Variants in THSD7A observed in about 807,000 individuals in gnomAD.
The protein encoded by THSD7A is thrombospondin type 1 domain containing 7A.
A neutral mutation model predicts 231.3 loss-of-function variants in THSD7A; 96 were observed. That is an observed-to-expected ratio of 0.41 (90% CI 0.35 to 0.49). The LOEUF is 0.49. Ranked by LOEUF, THSD7A falls within the 20% of genes least tolerant of loss-of-function variation. The pLI, the probability that THSD7A is intolerant of heterozygous loss-of-function variation, is 0.05. For synonymous variants in THSD7A, 940 were observed against 743.3 expected (o/e 1.26, Z -4.30); for missense variants, 2,290 against 2,070.2 (o/e 1.11, Z -2.06).
chr7:11,577,760 C>T (rs559850651), intron 4 of THSD7A, among the ~76,000 whole-genome samples: 50 of 151,906 alleles, frequency 3.3e-4, no homozygotes, highest in African/African-American at 1.2e-3. Context: ...GATGGAACAG[C>T]GTGGCATTCC....
intron 1 of THSD7A, among the ~76,000 whole-genome samples, chr7:11,781,206 T>G (rs920047049): frequency 1.3e-5 from 2 of 151,320 alleles, no homozygotes; most frequent in African/African-American, 2.4e-5. Context: ...TTTGGAAGGC[T>G]GGGTGGGATT....
chr7:11,490,035 T>C (rs2128307262), intron 6 of THSD7A, among the ~76,000 whole-genome samples: 1 of 152,182 alleles, frequency 6.6e-6, no homozygotes, highest in Non-Finnish European at 1.5e-5. Flanking sequence ...TCCACTATGC[T>C]CTCTTCCCTG....
chr7:11,651,254 T>C (rs1251480990), intron 1 of THSD7A, among the ~76,000 whole-genome samples: 1 of 151,926 alleles, frequency 6.6e-6, no homozygotes, highest in African/African-American at 2.4e-5. Context: ...AGACAGAAGA[T>C]AGAGTGGTGG....
intron 6 of THSD7A, among the ~76,000 whole-genome samples, chr7:11,513,000 C>T (rs1787883304): frequency 7.3e-6 from 1 of 137,404 alleles, no homozygotes; most frequent in Non-Finnish European, 1.6e-5. Context: ...GAATTAACAG[C>T]ATTTGCCATG....
At chr7:11,770,780 A>T (rs1473601626) in intron 1 of THSD7A, among the ~76,000 whole-genome samples, 1 of 152,078 alleles carries the variant, frequency 6.6e-6, no homozygotes, top group East Asian at 1.9e-4. Flanking sequence ...ACATTCTTTA[A>T]CTCCAAATCT....
At chr7:11,389,112 A>G (rs778943137) in intron 23 of THSD7A, among the ~76,000 whole-genome samples, 3 of 152,188 alleles carry the variant, frequency 2.0e-5, no homozygotes, top group Non-Finnish European at 4.4e-5. Flanking sequence ...GTAGAAGTCT[A>G]TTAGGTCTGC....
Position 11,598,987 on chromosome 7 carries a change from T to C in THSD7A, c.1023-5485A>G, listed in dbSNP as rs72506082. On this transcript the variant is annotated intron_variant, in intron 2 of 27. Coordinates refer to ENST00000423059, the MANE Select transcript of THSD7A (RefSeq NM_015204.3). ...GGAGTTACAGTGTTGGCTGGGGTGA[T>C]TGACCCAGACTAACAAGATGAAATC... Among the ~76,000 whole-genome samples, 3,420 of 152,160 alleles carry C rather than the reference T, an allele frequency of 0.022. 182 individuals carry two copies. In the East Asian group the frequency reaches 0.23, roughly 10 times the overall value.
intron 1 of THSD7A, among the ~76,000 whole-genome samples, chr7:11,669,163 A>G (rs1783273391): frequency 6.6e-6 from 1 of 152,198 alleles, no homozygotes; most frequent in South Asian, 2.1e-4. Flanking sequence ...ATATGAATTC[A>G]TTCATTTATA....
chr7:11,518,525 A>C (rs1188155148), intron 6 of THSD7A, among the ~76,000 whole-genome samples: 1 of 152,118 alleles, frequency 6.6e-6, no homozygotes, highest in East Asian at 1.9e-4. Context: ...TACATGTAGT[A>C]AACGAGGTAA....
intron 1 of THSD7A, among the ~76,000 whole-genome samples, chr7:11,716,807 T>A (rs1441349883): frequency 6.6e-6 from 1 of 151,562 alleles, no homozygotes; most frequent in Non-Finnish European, 1.5e-5. Flanking sequence ...GAAAAAATCT[T>A]ATTACATTGC....
rs373455481 is a variant in THSD7A, at chr7:11,481,547, T to TG, written c.2017+240dup. Among the ~76,000 whole-genome samples, 498 of 152,194 alleles carry TG rather than the reference T, an allele frequency of 3.3e-3. 1 individual carries two copies. Among genetic ancestry groups the TG allele is most frequent in the African/African-American group, 0.012 (483 of 41,538 alleles). On this transcript the variant is annotated intron_variant, in intron 7 of 27. Coordinates refer to ENST00000423059, the MANE Select transcript of THSD7A (RefSeq NM_015204.3). ...CAAAGAACTCTAATGACTGGAAGGG[T>TG]GGGAAAAAGCAAAATGAGTTCACTT... is the stretch of plus-strand genomic sequence containing the variant.
intron 13 of THSD7A, among the ~76,000 whole-genome samples, chr7:11,438,022 T>C (rs1365972546): frequency 6.6e-6 from 1 of 152,094 alleles, no homozygotes; most frequent in Non-Finnish European, 1.5e-5. Flanking sequence ...CCAGGTTTTT[T>C]TTTTGATGAT....
At chr7:11,611,069 A>G (rs1420520838) in intron 2 of THSD7A, among the ~76,000 whole-genome samples, 10 of 152,182 alleles carry the variant, frequency 6.6e-5, no homozygotes, top group African/African-American at 2.4e-4. Flanking sequence ...ATAAATGGGA[A>G]ATAACCACAG....
At chr7:11,689,336 T>C (rs1390305080) in intron 1 of THSD7A, among the ~76,000 whole-genome samples, 2 of 151,852 alleles carry the variant, frequency 1.3e-5, no homozygotes, top group African/African-American at 4.8e-5. Context: ...TTTCCTCTAA[T>C]TTGATTGAAA....
At chr7:11,521,312 A>G (rs1339122622) in intron 6 of THSD7A, among the ~76,000 whole-genome samples, 2 of 152,036 alleles carry the variant, frequency 1.3e-5, no homozygotes, top group Non-Finnish European at 2.9e-5. Flanking sequence ...AACATGCCCA[A>G]CTACATTCAT....
intron 6 of THSD7A, among the ~76,000 whole-genome samples, chr7:11,506,775 C>G (rs1026589758): frequency 6.6e-6 from 1 of 152,178 alleles, no homozygotes; most frequent in African/African-American, 2.4e-5. Context: ...TCTGGGAATT[C>G]TGATGTTCAG....
At chr7:11,456,238 C>G (rs372865557) in intron 11 of THSD7A, among the ~76,000 whole-genome samples, 2 of 152,096 alleles carry the variant, frequency 1.3e-5, no homozygotes, top group South Asian at 2.1e-4. Flanking sequence ...ATGTTCTAGA[C>G]AAGGGAATTT....
intron 1 of THSD7A, among the ~76,000 whole-genome samples, chr7:11,723,393 T>A (rs745945731): frequency 2.6e-5 from 4 of 151,056 alleles, no homozygotes; most frequent in Non-Finnish European, 5.9e-5. Context: ...AGTTAATGAG[T>A]GCAGCACACA....
intron 1 of THSD7A, among the ~76,000 whole-genome samples, chr7:11,704,347 C>A (rs1474784361): frequency 6.6e-6 from 1 of 150,940 alleles, no homozygotes; most frequent in Admixed American, 6.6e-5. Flanking sequence ...GGTATATATA[C>A]TGAAATATTT....
Sources: allele counts gnomAD v4.1 joint callset (sites outside exome capture counted in the v4.1 genomes callset), GRCh38; gene constraint gnomAD v4.1.1; transcripts MANE v1.5; gene names NCBI Gene and HGNC (gene_info 2026-07-23, HGNC 2026-07-21).